CDC45: variants seen among roughly 807,000 people sequenced by gnomAD.
CDC45 encodes the protein cell division cycle 45.
A neutral mutation model predicts 77.8 loss-of-function variants in CDC45; 54 were observed. The observed-to-expected ratio is 0.69, with a 90% CI of 0.56 to 0.87. CDC45 has a LOEUF of 0.87. CDC45 is among the 40% of genes least tolerant of loss of function. The pLI, the probability that CDC45 is intolerant of heterozygous loss-of-function variation, is 0.00. For synonymous variants in CDC45, 260 were observed against 272.1 expected (o/e 0.96, Z 0.44); for missense variants, 649 against 721.6 (o/e 0.90, Z 1.15).
intron 10 of CDC45, 69 bp from the exon 11 acceptor site, chr22:19,507,317 C>A (rs1011649826): frequency 6.4e-7 from 1 of 1,574,614 alleles, no homozygotes. Context: ...GAGTGGCCCA[C>A]CTGCTGGAGT....
intron 17 of CDC45, 151 bp downstream of exon 17, chr22:19,517,044 G>C: frequency 1.5e-6 from 1 of 657,160 alleles, no homozygotes; most frequent in Admixed American, 2.7e-5. Context: ...GGCTACTCCT[G>C]GTGGCTCAGG....
At chr22:19,497,532 G>T (rs996892442) in intron 8 of CDC45, 85 bp downstream of exon 8, 25 of 1,167,322 alleles carry the variant, frequency 2.1e-5, no homozygotes, top group South Asian at 3.7e-5. Flanking sequence ...CCACAGGGAG[G>T]GTGTTTCCCT....
At chr22:19,508,470 C>T in intron 12 of CDC45, 60 bp from the exon 13 acceptor site, 2 of 1,574,878 alleles carry the variant, frequency 1.3e-6, no homozygotes, top group Non-Finnish European at 1.7e-6. Context: ...TGTTGGCCTG[C>T]CTGGCAGTGA....
At chr22:19,507,672 C>T (rs761990135) in intron 11 of CDC45, 94 bp from the exon 12 acceptor site, 105 of 1,329,690 alleles carry the variant, frequency 7.9e-5, no homozygotes, top group Middle Eastern at 1.9e-4. Flanking sequence ...AATGCTGGTG[C>T]GGGGACATCC....
chr22:19,518,780 T>A, intron 17 of CDC45, 64 bp from the exon 18 acceptor site: 1 of 1,354,540 alleles, frequency 7.4e-7, no homozygotes, highest in Non-Finnish European at 1.1e-6. Flanking sequence ...GGAGGGGAGT[T>A]CTGTGCCCTG....
intron 13 of CDC45, among the ~76,000 whole-genome samples, chr22:19,511,195 G>T (rs1484537096): frequency 6.6e-6 from 1 of 152,142 alleles, no homozygotes; most frequent in African/African-American, 2.4e-5. Flanking sequence ...ATTCATCCTA[G>T]TGAGTATGAA....
At chr22:19,514,645 A>G in intron 13 of CDC45, 104 bp from the exon 14 acceptor site, 2 of 940,018 alleles carry the variant, frequency 2.1e-6, no homozygotes, top group South Asian at 1.7e-5. Flanking sequence ...CTTACCCCCA[A>G]ACCTCTTCCT....
chr22:19,519,612 C>T (rs1234385316), intron 18 of CDC45, among the ~76,000 whole-genome samples: 1 of 151,864 alleles, frequency 6.6e-6, no homozygotes, highest in Non-Finnish European at 1.5e-5. Flanking sequence ...CTGGAGGCTG[C>T]GGCTGTGGCA....
At chr22:19,508,759 G>C (rs560115294) in intron 13 of CDC45, 68 bp downstream of exon 13, 8 of 1,498,928 alleles carry the variant, frequency 5.3e-6, no homozygotes, top group Middle Eastern at 2.2e-4. Context: ...AGGGAGGTCA[G>C]TTACGGGGAC....
At chr22:19,512,734 C>G (rs1297331314) in intron 13 of CDC45, among the ~76,000 whole-genome samples, 1 of 152,160 alleles carries the variant, frequency 6.6e-6, no homozygotes, top group African/African-American at 2.4e-5. Context: ...TCTTTCATCA[C>G]TAGTATCTCG....
chr22:19,501,006 G>A (rs1362980997), intron 9 of CDC45, among the ~76,000 whole-genome samples: 10 of 152,108 alleles, frequency 6.6e-5, no homozygotes, highest in African/African-American at 2.2e-4. Flanking sequence ...GTGAAACACC[G>A]TCTCTACTAA....
chr22:19,485,779 G>A (rs1319787796), intron 5 of CDC45, among the ~76,000 whole-genome samples: 2 of 152,112 alleles, frequency 1.3e-5, no homozygotes, highest in African/African-American at 4.8e-5. Context: ...GAATATCCAT[G>A]TACCTTCAAT....
At chr22:19,509,418 T>C (rs1320534031) in intron 13 of CDC45, among the ~76,000 whole-genome samples, 1 of 152,232 alleles carries the variant, frequency 6.6e-6, no homozygotes, top group Non-Finnish European at 1.5e-5. Context: ...TGTTATATTT[T>C]AAGAGCATCT....
At chr22:19,485,969 T>C (rs967853583) in intron 5 of CDC45, among the ~76,000 whole-genome samples, 18 of 152,364 alleles carry the variant, frequency 1.2e-4, no homozygotes, top group Non-Finnish European at 2.4e-4. Flanking sequence ...TGTGTATTCT[T>C]TTTTCTGTAT....
At position 19,512,886 on chromosome 22, in the gene CDC45, T is replaced by C. The variant is rs553842822; in HGVS notation, c.1218-1863T>C. ...ATTCTGATGGCTGGAATGCTCAAGA[T>C]TGGGCATCTGCATCTGGTGAGGGCC... On this transcript the variant is annotated intron_variant, in intron 13 of 18. Transcript: ENST00000263201. 4.9e-4 allele frequency among the ~76,000 whole-genome samples: 75 copies of C among 152,204 alleles called. 1 individual carries two copies. Among genetic ancestry groups the C allele is most frequent in the Non-Finnish European group, 9.3e-4 (63 of 68,040 alleles).
At position 19,481,059 on chromosome 22, in the gene CDC45, G is replaced by T. The variant is rs759003990; in HGVS notation, c.204+14G>T. ...CATAAAGAACAGGTATTGAAGATGC[G>T]TTTTAGAATAACGTGGCTTTTTACT... On this transcript the variant is annotated intron_variant, in intron 3 of 18. Coordinates refer to ENST00000263201, the MANE Select transcript of CDC45 (RefSeq NM_003504.5). The T allele has an allele frequency of 1.3e-6, 2 of 1,558,708 alleles. No homozygotes were observed. Among genetic ancestry groups the T allele is most frequent in the South Asian group, 2.2e-5 (2 of 88,892 alleles).
rs1933348408 is a variant in CDC45 at position 19,508,706 on chromosome 22, G to T, written c.1217+15G>T. 1.9e-6 allele frequency: 3 copies of T among 1,612,414 alleles called. No individual in the cohort carries two copies. The highest frequency in any genetic ancestry group is 3.3e-5 in the Admixed American group (2 of 59,840). ...AGCCTCTCCAGGTAGCAGGAGGGCTGTGGGTTTGCCTCATGGGGCCACCAC... is the reference window on the plus strand; with the variant it reads ...AGCCTCTCCAGGTAGCAGGAGGGCTTTGGGTTTGCCTCATGGGGCCACCAC... On this transcript the variant is annotated intron_variant, in intron 13 of 18. Coordinates refer to ENST00000263201, the MANE Select transcript of CDC45 (RefSeq NM_003504.5).
intron 17 of CDC45, among the ~76,000 whole-genome samples, chr22:19,517,168 G>A (rs1933845773): frequency 2.0e-5 from 3 of 152,250 alleles, no homozygotes. Flanking sequence ...CACTTTCCCA[G>A]CAAGCCTAGG....
chr22:19,494,511 T>C, intron 6 of CDC45, 129 bp downstream of exon 6: 1 of 1,552,416 alleles, frequency 6.4e-7, no homozygotes, highest in Non-Finnish European at 8.7e-7. Flanking sequence ...GGCCAGTGGC[T>C]CTGGGAGTGA....
Sources: gnomAD v4.1 joint callset for allele counts (sites outside exome capture counted in the v4.1 genomes callset) on GRCh38, gnomAD v4.1.1 for gene constraint, MANE v1.5 for transcripts, NCBI Gene and HGNC (gene_info 2026-07-23, HGNC 2026-07-21) for gene names.